Variants in C2orf80 observed in about 807,000 individuals in gnomAD.
The protein encoded by C2orf80 is chromosome 2 open reading frame 80, also known as uncharacterized protein C2orf80.
In C2orf80, 28 loss-of-function variants were observed where a neutral mutation model predicts 30.2. That is an observed-to-expected ratio of 0.93 (90% CI 0.69 to 1.27). The LOEUF is 1.27. C2orf80 is among the 50% of genes most tolerant of loss of function. The pLI, the probability that C2orf80 is intolerant of heterozygous loss-of-function variation, is 0.00. For missense variants in C2orf80, 220 were observed against 231.0 expected, an observed-to-expected ratio of 0.95 and a Z score of 0.31; for synonymous variants, 80 against 76.4, an observed-to-expected ratio of 1.05 and a Z score of -0.24.
chr2:208,166,424 A>G (rs373285953), intron 8 of C2orf80, among the ~76,000 whole-genome samples: 11 of 152,362 alleles, frequency 7.2e-5, no homozygotes, highest in African/African-American at 2.6e-4. Context: ...TTATTTTTAC[A>G]TTAAAAAGTT....
rs1296517595 is a variant in C2orf80 at position 208,177,831 on chromosome 2, TTTTA to T, written c.366+2910_366+2913del. Among the ~76,000 whole-genome samples, 223 of 148,842 alleles carry T rather than the reference TTTTA, an allele frequency of 1.5e-3. 2 individuals are homozygous for T. The highest frequency in any genetic ancestry group is 5.4e-3 in the African/African-American group (218 of 40,044). The stretch of plus-strand genomic sequence containing the variant: ...TTATTTATTTATTTATTTATTTATT[TTTTA>T]TTTTTTTTGAGACAGAGTTTTGCTC... On this transcript the variant is annotated intron_variant, in intron 6 of 8. Coordinates refer to ENST00000341287, the MANE Select transcript of C2orf80 (RefSeq NM_001099334.3).
intron 8 of C2orf80, among the ~76,000 whole-genome samples, chr2:208,169,422 A>G (rs916043476): frequency 6.6e-5 from 10 of 152,096 alleles, no homozygotes; most frequent in African/African-American, 2.2e-4. Flanking sequence ...AGAAACAAAG[A>G]TATGGTTCTA....
In C2orf80 at chr2:208,176,917, ATC is replaced by A. The variant is rs1238991561; in HGVS notation, c.366+3826_366+3827del. Reference sequence around the variant, plus strand: ...TATATATACATATCTGTGTATACATATCTGTATACATATGTATACATATCTGT... The same window carrying A: ...TATATATACATATCTGTGTATACATATGTATACATATGTATACATATCTGT... On this transcript the variant is annotated intron_variant, in intron 6 of 8. Coordinates refer to ENST00000341287, the MANE Select transcript of C2orf80 (RefSeq NM_001099334.3). Among the ~76,000 whole-genome samples, 138 of 122,392 alleles carry A rather than the reference ATC, an allele frequency of 1.1e-3. 15 individuals carry two copies. The highest frequency in any genetic ancestry group is 3.8e-3 in the African/African-American group (126 of 33,272). 80.3% of individuals were successfully genotyped at this position (122,392 alleles called of 152,430 possible). A position where few individuals can be genotyped will look rare whatever the true frequency, so the allele number is the denominator to read the frequency against.
At chr2:208,172,658 G>A (rs1696139781) in intron 6 of C2orf80, among the ~76,000 whole-genome samples, 1 of 152,208 alleles carries the variant, frequency 6.6e-6, no homozygotes, top group African/African-American at 2.4e-5. Flanking sequence ...AGCCAGTATA[G>A]ATAACCTGCA....
intron 4 of C2orf80, among the ~76,000 whole-genome samples, chr2:208,181,960 T>A (rs558405057): frequency 5.9e-5 from 9 of 152,222 alleles, no homozygotes; most frequent in Non-Finnish European, 1.2e-4. Flanking sequence ...CATGGACTTT[T>A]CAGATACAAG....
chr2:208,167,546 A>G (rs1028750799), intron 8 of C2orf80, among the ~76,000 whole-genome samples: 1 of 140,850 alleles, frequency 7.1e-6, no homozygotes, highest in Non-Finnish European at 1.6e-5. Flanking sequence ...ACAAACAAAC[A>G]AAAAACTGTT....
At chr2:208,172,836 G>A (rs1055494572) in intron 6 of C2orf80, among the ~76,000 whole-genome samples, 2 of 152,156 alleles carry the variant, frequency 1.3e-5, no homozygotes, top group Admixed American at 1.3e-4. Context: ...AGATAACTTG[G>A]CCAGGCGCAG....
chr2:208,168,444 C>A (rs1016703164), intron 8 of C2orf80: 2 of 247,568 alleles, frequency 8.1e-6, no homozygotes, highest in Non-Finnish European at 1.6e-5. Context: ...GAGGCCAAGG[C>A]GGGCAGATCG....
At chr2:208,181,998 T>A (rs1696576953) in intron 4 of C2orf80, among the ~76,000 whole-genome samples, 1 of 152,206 alleles carries the variant, frequency 6.6e-6, no homozygotes, top group Non-Finnish European at 1.5e-5. Flanking sequence ...CCCAGCTTTT[T>A]TGCTTAAGGC....
intron 7 of C2orf80, 141 bp from the exon 8 acceptor site, chr2:208,171,204 GGTTCC>G: frequency 1.6e-6 from 1 of 640,940 alleles, no homozygotes; most frequent in South Asian, 1.9e-5. Flanking sequence ...GGAGTGCAGT[GGTTCC>G]ATCACGGCTC....
chr2:208,180,417 T>A (rs1350088439), intron 6 of C2orf80, among the ~76,000 whole-genome samples: 3 of 151,114 alleles, frequency 2.0e-5, no homozygotes, highest in African/African-American at 7.3e-5. Flanking sequence ...ACCACTATAC[T>A]CCAGCCAGGG....
chr2:208,166,218 A>C (rs1695882565), intron 8 of C2orf80, among the ~76,000 whole-genome samples: 1 of 152,160 alleles, frequency 6.6e-6, no homozygotes, highest in African/African-American at 2.4e-5. Context: ...AGAGGTACAT[A>C]GAGTAAAGTG....
At position 208,180,755 on chromosome 2, in the gene C2orf80, C is replaced by T. The variant is rs776909074; in HGVS notation, c.356G>A (p.Gly119Asp). ...IYGADSSADS[G>D]TIKVPRVSSL... Reference sequence around the variant, plus strand: ...CCAGGTCACCCTTACCTTGATGGTACCAGAATCGGCAGAAGAATCAGCCCC... The same window carrying T: ...CCAGGTCACCCTTACCTTGATGGTATCAGAATCGGCAGAAGAATCAGCCCC... The change falls in exon 6 of 9, where the codon GGT (glycine) becomes GAT (aspartate). Residue 119 changes from glycine to aspartate, a missense_variant. Physicochemically the swap from Gly to Asp is moderately conservative, Grantham distance 94. Coordinates refer to ENST00000341287, the MANE Select transcript of C2orf80 (RefSeq NM_001099334.3). 5 of 1,613,150 alleles carry T rather than the reference C, an allele frequency of 3.1e-6. No individual in the cohort carries two copies. Among genetic ancestry groups the T allele is most frequent in the African/African-American group, 1.3e-5 (1 of 74,872 alleles).
At position 208,181,796 on chromosome 2, in the gene C2orf80, T is replaced by C. The variant is rs147465191; in HGVS notation, c.207-491A>G. ...CCAGGTAACAGCCACTGAGACACAATTGGGTGATTAAAAAAAAATATATCC... is the reference window on the plus strand; with the variant it reads ...CCAGGTAACAGCCACTGAGACACAACTGGGTGATTAAAAAAAAATATATCC... On this transcript the variant is annotated intron_variant, in intron 4 of 8. Transcript: ENST00000341287. 4.2e-3 allele frequency among the ~76,000 whole-genome samples: 640 copies of C among 152,104 alleles called. 5 individuals carry two copies. Among genetic ancestry groups the C allele is most frequent in the African/African-American group, 0.014 (593 of 41,492 alleles).
At chr2:208,183,498 A>G (rs952624123) in intron 3 of C2orf80, among the ~76,000 whole-genome samples, 1 of 152,146 alleles carries the variant, frequency 6.6e-6, no homozygotes, top group Admixed American at 6.6e-5. Context: ...ACAGGGCTGC[A>G]GGGAACAATT....
intron 5 of C2orf80, 87 bp downstream of exon 5, chr2:208,181,131 G>A: frequency 1.0e-6 from 1 of 997,486 alleles, no homozygotes; most frequent in South Asian, 1.5e-5. Context: ...AACATTGGTT[G>A]AAAAATAATG....
In C2orf80 at chr2:208,165,605, A is replaced by G; in HGVS notation, c.*202T>C. 1 of 465,024 alleles carries G rather than the reference A, an allele frequency of 2.2e-6. No homozygotes were observed. Among genetic ancestry groups the G allele is most frequent in the Non-Finnish European group, 3.7e-6 (1 of 273,060 alleles). 28.8% of individuals were successfully genotyped at this position (465,024 alleles called of 1,614,324 possible). A position where few individuals can be genotyped will look rare whatever the true frequency, so the allele number is the denominator to read the frequency against. ...TCACAATGAAGTAGCATAAGGTCACAGTTTTTTTTTTTAAGAAAATGTAGC... is the reference window on the plus strand; with the variant it reads ...TCACAATGAAGTAGCATAAGGTCACGGTTTTTTTTTTTAAGAAAATGTAGC... On this transcript the variant is annotated 3_prime_UTR_variant, in exon 9 of 9. Transcript: ENST00000341287.
At position 208,186,983 on chromosome 2, in the gene C2orf80, C is replaced by T; in HGVS notation, c.4G>A (p.Glu2Lys). Reference protein sequence around the residue: MERRLIKKEMKK... With the variant: MKRRLIKKEMKK... The stretch of plus-strand genomic sequence containing the variant: ...ATTTCCTTCTTTATGAGCCTTCTTT[C>T]CATGTTAAAGGCTTAGCCAGCTGAG... The change falls in exon 2 of 9, where the codon GAA becomes AAA. Residue 2 changes from glutamate to lysine, a missense_variant. Glu to Lys is a moderately conservative substitution (Grantham distance 56, BLOSUM62 1). Coordinates refer to ENST00000341287, the MANE Select transcript of C2orf80 (RefSeq NM_001099334.3). 1 of 1,614,008 alleles carries T rather than the reference C, an allele frequency of 6.2e-7. No homozygotes were observed. Among genetic ancestry groups the T allele is most frequent in the Non-Finnish European group, 8.5e-7 (1 of 1,179,868 alleles).
At chr2:208,171,148 CTAAT>C (rs1261260091) in intron 7 of C2orf80, 85 bp from the exon 8 acceptor site, 5 of 923,326 alleles carry the variant, frequency 5.4e-6, no homozygotes, top group African/African-American at 3.3e-5. Flanking sequence ...TTTCATTTCA[CTAAT>C]TAATTATTTT....
Sources: allele counts gnomAD v4.1 joint callset (sites outside exome capture counted in the v4.1 genomes callset), GRCh38; gene constraint gnomAD v4.1.1; transcripts MANE v1.5; gene names NCBI Gene and HGNC (gene_info 2026-07-23, HGNC 2026-07-21).